ERC2: variants seen among roughly 807,000 people sequenced by gnomAD.
ERC2 encodes the protein ERC protein 2.
In ERC2, 42 loss-of-function variants were observed where a neutral mutation model predicts 114.8. The observed-to-expected ratio is 0.37, with a 90% CI of 0.29 to 0.47. The LOEUF is 0.47. ERC2 is among the 20% of genes least tolerant of loss of function. The probability of loss-of-function intolerance (pLI) is 0.99; values close to 1 mark genes in which losing one functional copy is unlikely to be tolerated. For synonymous variants in ERC2, 454 were observed against 425.5 expected, an observed-to-expected ratio of 1.07 and a Z score of -0.82; for missense variants, 939 against 1,150.7, an observed-to-expected ratio of 0.82 and a Z score of 2.66.
chr3:55,809,844 G>A (rs993069919), intron 14 of ERC2, among the ~76,000 whole-genome samples: 2 of 152,174 alleles, frequency 1.3e-5, no homozygotes, highest in African/African-American at 4.8e-5. Context: ...CATGTATCAA[G>A]TGTTTTCAAC....
chr3:55,647,945 G>C (rs2060463788), intron 17 of ERC2, among the ~76,000 whole-genome samples: 1 of 152,190 alleles, frequency 6.6e-6, no homozygotes, highest in South Asian at 2.1e-4. Flanking sequence ...CTACTTGGGG[G>C]AGTCCTTGGT....
intron 3 of ERC2, among the ~76,000 whole-genome samples, chr3:56,267,672 G>A (rs1267584174): frequency 1.3e-5 from 2 of 151,838 alleles, no homozygotes; most frequent in African/African-American, 4.8e-5. Context: ...CCAGCTATTC[G>A]GGAGGCTGAG....
intron 14 of ERC2, among the ~76,000 whole-genome samples, chr3:55,755,071 G>T (rs563227647): frequency 6.7e-6 from 1 of 149,918 alleles, no homozygotes; most frequent in Non-Finnish European, 1.5e-5. Context: ...CTAGTGATTG[G>T]CTATTCATCT....
chr3:55,842,481 G>A (rs1483175561), intron 14 of ERC2, among the ~76,000 whole-genome samples: 2 of 152,044 alleles, frequency 1.3e-5, no homozygotes, highest in East Asian at 1.9e-4. Context: ...TCAGCTGTCC[G>A]GCACCCCTGC....
intron 2 of ERC2, among the ~76,000 whole-genome samples, chr3:56,297,780 A>G (rs1167796625): frequency 1.3e-5 from 2 of 152,220 alleles, no homozygotes; most frequent in Non-Finnish European, 2.9e-5. Context: ...ACTATAAGTT[A>G]TATGAATATT....
intron 14 of ERC2, among the ~76,000 whole-genome samples, chr3:55,864,403 A>G (rs2062201114): frequency 6.6e-6 from 1 of 151,884 alleles, no homozygotes; most frequent in Non-Finnish European, 1.5e-5. Context: ...AGATTTCAAG[A>G]GAGGAGTTAC....
intron 14 of ERC2, among the ~76,000 whole-genome samples, chr3:55,818,502 T>C (rs1443846890): frequency 1.3e-5 from 2 of 152,230 alleles, no homozygotes; most frequent in South Asian, 2.1e-4. Flanking sequence ...AGTATAAGAA[T>C]GTTTCTTCTT....
At chr3:56,245,768 T>C (rs1235197907) in intron 3 of ERC2, among the ~76,000 whole-genome samples, 1 of 151,972 alleles carries the variant, frequency 6.6e-6, no homozygotes, top group East Asian at 1.9e-4. Context: ...GGTCTAGAAC[T>C]CCTGACCAGT....
chr3:55,543,942 G>T (rs1364529155), intron 17 of ERC2, among the ~76,000 whole-genome samples: 1 of 152,130 alleles, frequency 6.6e-6, no homozygotes, highest in Non-Finnish European at 1.5e-5. Context: ...AACCTGCCTG[G>T]CCTATTTCAT....
At chr3:56,451,331 C>T (rs2062820994) in intron 1 of ERC2, among the ~76,000 whole-genome samples, 1 of 151,568 alleles carries the variant, frequency 6.6e-6, no homozygotes, top group South Asian at 2.1e-4. Flanking sequence ...TAGGCATAAT[C>T]ACATACGTGA....
intron 15 of ERC2, among the ~76,000 whole-genome samples, chr3:55,723,023 G>A (rs1173273513): frequency 1.3e-5 from 2 of 152,162 alleles, no homozygotes; most frequent in African/African-American, 4.8e-5. Flanking sequence ...GTACTAAGAT[G>A]TTCATCACAG....
intron 3 of ERC2, among the ~76,000 whole-genome samples, chr3:56,184,382 T>C (rs571855751): frequency 5.9e-5 from 9 of 152,340 alleles, no homozygotes; most frequent in African/African-American, 1.9e-4. Flanking sequence ...CTTGACTGTC[T>C]AATGGAAAAG....
intron 17 of ERC2, among the ~76,000 whole-genome samples, chr3:55,635,173 G>A (rs553450797): frequency 6.6e-6 from 1 of 152,094 alleles, no homozygotes; most frequent in South Asian, 2.1e-4. Flanking sequence ...GTGAGCCACC[G>A]TGCCCGGCCT....
intron 17 of ERC2, among the ~76,000 whole-genome samples, chr3:55,619,139 AG>A (rs1292648933): frequency 6.6e-6 from 1 of 152,236 alleles, no homozygotes; most frequent in Non-Finnish European, 1.5e-5. Flanking sequence ...TTAATAAAAC[AG>A]GAACAGTTCT....
chr3:55,801,547 G>A (rs766749718), intron 14 of ERC2, among the ~76,000 whole-genome samples: 2 of 149,096 alleles, frequency 1.3e-5, no homozygotes, highest in Non-Finnish European at 2.9e-5. Context: ...CTTCTTGCAG[G>A]ACCAATTTCC....
At chr3:55,571,091 G>A (rs1371015546) in intron 17 of ERC2, among the ~76,000 whole-genome samples, 1 of 125,232 alleles carries the variant, frequency 8.0e-6, no homozygotes. Flanking sequence ...TTGTGCCACT[G>A]CACTCCAGCC....
At chr3:56,110,808 T>C (rs1404646951) in intron 6 of ERC2, among the ~76,000 whole-genome samples, 1 of 152,220 alleles carries the variant, frequency 6.6e-6, no homozygotes, top group Non-Finnish European at 1.5e-5. Context: ...TCTACATATC[T>C]AAATGGATAA....
At chr3:56,419,836 A>C (rs1337600586) in intron 2 of ERC2, among the ~76,000 whole-genome samples, 2 of 152,202 alleles carry the variant, frequency 1.3e-5, no homozygotes, top group Admixed American at 6.5e-5. Context: ...GAAAATTATG[A>C]CATTTTCATC....
intron 15 of ERC2, among the ~76,000 whole-genome samples, chr3:55,733,206 T>G (rs2065368357): frequency 6.6e-6 from 1 of 152,136 alleles, no homozygotes; most frequent in South Asian, 2.1e-4. Context: ...TCATTTTGAC[T>G]TTCTGTGGCC....
Sources: gnomAD v4.1 joint callset for allele counts (sites outside exome capture counted in the v4.1 genomes callset) on GRCh38, gnomAD v4.1.1 for gene constraint, MANE v1.5 for transcripts, NCBI Gene and HGNC (gene_info 2026-07-23, HGNC 2026-07-21) for gene names.